RAB40B: variants seen among roughly 807,000 people sequenced by gnomAD.
RAB40B encodes RAB40B, member RAS oncogene family.
In RAB40B, 21 loss-of-function variants were observed where a neutral mutation model predicts 24.0. The observed-to-expected ratio is 0.88, with a 90% CI of 0.62 to 1.26. The LOEUF (loss-of-function observed/expected upper bound fraction) is 1.26. RAB40B is among the 50% of genes most tolerant of loss of function. The probability of loss-of-function intolerance (pLI) is 0.00; values close to 1 mark genes in which losing one functional copy is unlikely to be tolerated. For missense variants in RAB40B, 348 were observed against 390.5 expected (o/e 0.89, Z 0.92); for synonymous variants, 167 against 169.8 (o/e 0.98, Z 0.13).
intron 1 of RAB40B, among the ~76,000 whole-genome samples, chr17:82,683,692 G>A (rs2046466678): frequency 6.6e-6 from 1 of 151,402 alleles, no homozygotes; most frequent in Non-Finnish European, 1.5e-5. Context: ...TTGGAGTCCA[G>A]CTACTGGGGA....
chr17:82,659,075 C>T lies in RAB40B; in HGVS notation c.343-362G>A, dbSNP rs370629319. On this transcript the variant is annotated intron_variant, in intron 4 of 5. Coordinates refer to ENST00000571995, the MANE Select transcript of RAB40B (RefSeq NM_006822.3). The stretch of plus-strand genomic sequence containing the variant: ...GGCGGCTGTAGGGAAGTGGCCCTGC[C>T]GACACCTTGGTTTTGGGCTCTGGCC... The T allele has an allele frequency of 9.1e-3, 2,488 of 272,766 alleles. 23 individuals are homozygous for T. The highest frequency in any genetic ancestry group is 0.025 in the South Asian group (396 of 15,946). The allele number at this position is 272,766 out of a possible 1,614,324, so 16.9% of individuals were successfully genotyped here.
rs140987654 is a variant in RAB40B at position 82,696,210 on chromosome 17, A to G, written c.142+2245T>C. On this transcript the variant is annotated intron_variant, in intron 1 of 5. Transcript: ENST00000571995. ...TTAGCCTAAATCCTCCCTCCGTGTCAAGGGAAAGCCTTTATTACAAAGCAT... is the reference window on the plus strand; with the variant it reads ...TTAGCCTAAATCCTCCCTCCGTGTCGAGGGAAAGCCTTTATTACAAAGCAT... Among the ~76,000 whole-genome samples the G allele has an allele frequency of 1.5e-3, 233 of 152,236 alleles. 1 individual carries two copies. The highest frequency in any genetic ancestry group is 2.7e-3 in the Non-Finnish European group (187 of 68,010).
At chr17:82,687,402 C>G (rs1598315767) in intron 1 of RAB40B, among the ~76,000 whole-genome samples, 1 of 152,146 alleles carries the variant, frequency 6.6e-6, no homozygotes, top group East Asian at 1.9e-4. Flanking sequence ...TTTAGTCAAA[C>G]AAAATGCCAG....
intron 1 of RAB40B, among the ~76,000 whole-genome samples, chr17:82,694,393 G>A (rs1283140916): frequency 6.6e-6 from 1 of 151,494 alleles, no homozygotes; most frequent in African/African-American, 2.4e-5. Flanking sequence ...TTGGCCCAGT[G>A]TGGTGGCAGG....
In RAB40B at chr17:82,657,698, G is replaced by T; in HGVS notation, c.*165C>A. On this transcript the variant is annotated 3_prime_UTR_variant, in exon 6 of 6. Transcript: ENST00000571995. ...TTCATGCACATCCACGTAGAAATTC[G>T]AAGTCCGACGGGGTAGTGTGTTTCC... 1 of 873,876 alleles carries T rather than the reference G, an allele frequency of 1.1e-6. No individual in the cohort carries two copies. The highest frequency in any genetic ancestry group is 1.9e-6 in the Non-Finnish European group (1 of 519,330). The allele number at this position is 873,876 out of a possible 1,614,324, so 54.1% of individuals were successfully genotyped here. A position where few individuals can be genotyped will look rare whatever the true frequency, so the allele number is the denominator to read the frequency against.
rs181184826 is a variant in RAB40B, at chr17:82,657,399, C to T, written c.*464G>A. The T allele has an allele frequency of 5.1e-4, 160 of 312,400 alleles. No homozygotes were observed. The Middle Eastern group carries it at 8.2e-3, about 16-fold the overall frequency. The allele number at this position is 312,400 out of a possible 1,614,324, so 19.4% of individuals were successfully genotyped here. ...TTGCACATAACCTCTACATCTGCAG[C>T]GTTTTATAAATTGGCGCTTTGACAT... On this transcript the variant is annotated 3_prime_UTR_variant, in exon 6 of 6. Transcript: ENST00000571995.
Position 82,662,184 on chromosome 17 carries a change from A to G in RAB40B, c.204-1137T>C, listed in dbSNP as rs1346283734. On this transcript the variant is annotated intron_variant, in intron 2 of 5. Transcript: ENST00000571995. ...ACGAGAGAGAAGGGCCTGGGGCTCC[A>G]GAGGGGACCAGCGACACTGGCCATT... The G allele has an allele frequency of 4.1e-6, 4 of 985,462 alleles. 1 individual carries two copies. The highest frequency in any genetic ancestry group is 5.2e-4 in the Middle Eastern group (1 of 1,914). The allele number at this position is 985,462 out of a possible 1,614,324, so 61.0% of individuals were successfully genotyped here.
At position 82,656,821 on chromosome 17, in the gene RAB40B, C is replaced by G. The variant is rs935888667; in HGVS notation, c.*1042G>C. Reference sequence around the variant, plus strand: ...CTGAGGTTAGGAGTTCAACACCAGCCTGACCAACATGGTGAAACCCCATCT... The same window carrying G: ...CTGAGGTTAGGAGTTCAACACCAGCGTGACCAACATGGTGAAACCCCATCT... On this transcript the variant is annotated 3_prime_UTR_variant, in exon 6 of 6. Transcript: ENST00000571995. 1.5e-4 allele frequency: 23 copies of G among 152,228 alleles called. No individual in the cohort carries two copies. Among genetic ancestry groups the G allele is most frequent in the African/African-American group, 5.6e-4 (23 of 41,428 alleles). 9.4% of individuals were successfully genotyped at this position (152,228 alleles called of 1,614,324 possible). A position where few individuals can be genotyped will look rare whatever the true frequency, so the allele number is the denominator to read the frequency against.
chr17:82,661,380 G>T, intron 2 of RAB40B: 1 of 738,992 alleles, frequency 1.4e-6, no homozygotes, highest in Non-Finnish European at 1.7e-6. Context: ...AGTAAGGAGT[G>T]TGGGTCTACA....
At chr17:82,681,988 C>T (rs2046452693) in intron 1 of RAB40B, among the ~76,000 whole-genome samples, 1 of 152,136 alleles carries the variant, frequency 6.6e-6, no homozygotes, top group Non-Finnish European at 1.5e-5. Flanking sequence ...AAAATATCCA[C>T]TCTTACCACT....
Position 82,676,988 on chromosome 17 carries a change from G to A in RAB40B, c.143-12432C>T, listed in dbSNP as rs566279928. 8.2e-5 allele frequency among the ~76,000 whole-genome samples: 12 copies of A among 147,182 alleles called. No homozygotes were observed. In the South Asian group the frequency reaches 1.3e-3, roughly 16 times the overall value. ...TTCTGAGACGGAGTCTCACTCTGTC[G>A]TCCAGGCTGGAGTGCAGTGGCACGA... On this transcript the variant is annotated intron_variant, in intron 1 of 5. Coordinates refer to ENST00000571995, the MANE Select transcript of RAB40B (RefSeq NM_006822.3).
chr17:82,657,786 G>C lies in RAB40B; in HGVS notation c.*77C>G. On this transcript the variant is annotated 3_prime_UTR_variant, in exon 6 of 6. Coordinates refer to ENST00000571995, the MANE Select transcript of RAB40B (RefSeq NM_006822.3). ...TTCGCCGAGAGGAACCGGGATCTGAGATGCATCCACCAGCTGCCGGGGGTA... is the reference window on the plus strand; with the variant it reads ...TTCGCCGAGAGGAACCGGGATCTGACATGCATCCACCAGCTGCCGGGGGTA... 4 of 1,518,618 alleles carry C rather than the reference G, an allele frequency of 2.6e-6. No homozygotes were observed. Among genetic ancestry groups the C allele is most frequent in the Non-Finnish European group, 3.7e-6 (4 of 1,093,846 alleles). The allele number at this position is 1,518,618 out of a possible 1,614,324, so 94.1% of individuals were successfully genotyped here.
At position 82,672,242 on chromosome 17, in the gene RAB40B, CGCTCCCTGT is replaced by C. The variant is rs199944935; in HGVS notation, c.143-7695_143-7687del. On this transcript the variant is annotated intron_variant, in intron 1 of 5. Transcript: ENST00000571995. ...TGTAACTCTAACACACACACTCACA[CGCTCCCTGT>C]ACTCACTGACACACCCCACCCCGTA... Among the ~76,000 whole-genome samples, 121 of 110,864 alleles carry C rather than the reference CGCTCCCTGT, an allele frequency of 1.1e-3. 27 individuals carry two copies. Among genetic ancestry groups the C allele is most frequent in the Non-Finnish European group, 1.6e-3 (78 of 48,692 alleles). 72.7% of individuals were successfully genotyped at this position (110,864 alleles called of 152,430 possible).
intron 1 of RAB40B, among the ~76,000 whole-genome samples, chr17:82,680,106 G>A (rs1050447268): frequency 1.3e-5 from 2 of 152,230 alleles, no homozygotes; most frequent in African/African-American, 4.8e-5. Context: ...TCCTCGGGCT[G>A]GCCCGTCCTG....
intron 2 of RAB40B, chr17:82,662,489 C>T (rs952151432): frequency 2.0e-6 from 2 of 985,332 alleles, no homozygotes; most frequent in African/African-American, 3.5e-5. Flanking sequence ...AGGAGCAGAG[C>T]AGAGCCCAAC....
At chr17:82,684,663 G>A (rs1043499845) in intron 1 of RAB40B, among the ~76,000 whole-genome samples, 2 of 152,186 alleles carry the variant, frequency 1.3e-5, no homozygotes, top group African/African-American at 4.8e-5. Flanking sequence ...CTGAGTGACC[G>A]GAGCCAGGTT....
At chr17:82,681,989 T>G (rs1263526137) in intron 1 of RAB40B, among the ~76,000 whole-genome samples, 1 of 152,076 alleles carries the variant, frequency 6.6e-6, no homozygotes, top group Non-Finnish European at 1.5e-5. Context: ...AAATATCCAC[T>G]CTTACCACTC....
In RAB40B at chr17:82,665,304, G is replaced by A. The variant is rs1427128795; in HGVS notation, c.143-748C>T. ...GTTTCTCTCTGTCGCCCTGGCTGGA[G>A]TGCAGTGGCGTGATCACAGCTCACT... On this transcript the variant is annotated intron_variant, in intron 1 of 5. Transcript: ENST00000571995. Among the ~76,000 whole-genome samples, 5 of 151,000 alleles carry A rather than the reference G, an allele frequency of 3.3e-5. No individual in the cohort carries two copies. In the South Asian group the frequency reaches 6.3e-4, roughly 19 times the overall value.
At chr17:82,671,521 A>C (rs2046335694) in intron 1 of RAB40B, among the ~76,000 whole-genome samples, 2 of 142,096 alleles carry the variant, frequency 1.4e-5, no homozygotes, top group African/African-American at 2.7e-5. Flanking sequence ...CCACCCCTGT[A>C]ACTCTAACAC....
Sources: gnomAD v4.1 joint callset for allele counts (sites outside exome capture counted in the v4.1 genomes callset) on GRCh38, gnomAD v4.1.1 for gene constraint, MANE v1.5 for transcripts, NCBI Gene and HGNC (gene_info 2026-07-23, HGNC 2026-07-21) for gene names.